The following CCDC88C variants were observed in gnomAD, a reference collection of about 807,000 sequenced individuals.
CCDC88C encodes protein Daple.
A neutral mutation model predicts 198.8 loss-of-function variants in CCDC88C; 131 were observed. That is an observed-to-expected ratio of 0.66 (90% CI 0.57 to 0.76). The LOEUF (loss-of-function observed/expected upper bound fraction) is 0.76. CCDC88C is among the 30% of genes least tolerant of loss of function. The pLI, the probability that CCDC88C is intolerant of heterozygous loss-of-function variation, is 0.00. For missense variants in CCDC88C, 2,553 were observed against 2,631.6 expected, an observed-to-expected ratio of 0.97 and a Z score of 0.65; for synonymous variants, 1,166 against 1,114.7, an observed-to-expected ratio of 1.05 and a Z score of -0.92.
intron 13 of CCDC88C, among the ~76,000 whole-genome samples, chr14:91,318,942 C>G (rs569659543): frequency 8.2e-6 from 1 of 121,812 alleles, no homozygotes. Flanking sequence ...AAAAAAAGAA[C>G]CTGCAGAGCC....
At chr14:91,408,377 C>T (rs1886619346) in intron 3 of CCDC88C, 2 of 342,220 alleles carry the variant, frequency 5.8e-6, no homozygotes, top group South Asian at 6.2e-5. Context: ...ACTGCATTCT[C>T]GGGGCAGAGG....
intron 3 of CCDC88C, among the ~76,000 whole-genome samples, chr14:91,393,959 C>T (rs1885684332): frequency 6.6e-6 from 1 of 152,224 alleles, no homozygotes; most frequent in Non-Finnish European, 1.5e-5. Context: ...ACAAAAAGTG[C>T]CAGCTGCTCC....
chr14:91,315,741 T>G lies in CCDC88C; in HGVS notation c.1574A>C (p.Gln525Pro). Reference sequence around the variant, plus strand: ...CTCCTCACTGAGGGTCTCCAGATCTTGGTTGCTCTGCTTTTCTCTCTCCAG... The same window carrying G: ...CTCCTCACTGAGGGTCTCCAGATCTGGGTTGCTCTGCTTTTCTCTCTCCAG... ...TQLEREKQSN[Q>P]DLETLSEELI... The change falls in exon 14 of 30, where the codon CAA becomes CCA. Residue 525 changes from glutamine to proline, a missense_variant. Coordinates refer to ENST00000389857, the MANE Select transcript of CCDC88C (RefSeq NM_001080414.4). The G allele has an allele frequency of 1.2e-6, 2 of 1,613,836 alleles. No homozygotes were observed. The highest frequency in any genetic ancestry group is 1.7e-6 in the Non-Finnish European group (2 of 1,179,832).
chr14:91,388,377 G>A (rs756934757), intron 3 of CCDC88C, among the ~76,000 whole-genome samples: 55 of 152,094 alleles, frequency 3.6e-4, no homozygotes, highest in Non-Finnish European at 6.8e-4. Flanking sequence ...AGGCTGCCTC[G>A]GCCCAGCTTC....
intron 2 of CCDC88C, among the ~76,000 whole-genome samples, chr14:91,409,901 T>A (rs533510774): frequency 6.6e-6 from 1 of 152,328 alleles, no homozygotes; most frequent in African/African-American, 2.4e-5. Flanking sequence ...GATTTACAAA[T>A]TCCAGGGACA....
At chr14:91,348,897 G>T (rs576640279) in intron 4 of CCDC88C, among the ~76,000 whole-genome samples, 5 of 152,280 alleles carry the variant, frequency 3.3e-5, no homozygotes, top group African/African-American at 1.2e-4. Context: ...AACATCCTGT[G>T]ATCCCCACCC....
intron 3 of CCDC88C, among the ~76,000 whole-genome samples, chr14:91,404,977 A>G (rs1406344240): frequency 4.0e-5 from 6 of 150,086 alleles, no homozygotes; most frequent in African/African-American, 1.2e-4. Context: ...AAAAAAAAAA[A>G]AGAGAAAAGA....
At chr14:91,293,951 G>C (rs1890883450) in intron 23 of CCDC88C, among the ~76,000 whole-genome samples, 1 of 152,216 alleles carries the variant, frequency 6.6e-6, no homozygotes, top group Non-Finnish European at 1.5e-5. Flanking sequence ...GTGGTGGAAA[G>C]CGCCTCTGAA....
At chr14:91,411,494 C>T (rs1310567872) in intron 2 of CCDC88C, among the ~76,000 whole-genome samples, 1 of 152,170 alleles carries the variant, frequency 6.6e-6, no homozygotes, top group African/African-American at 2.4e-5. Flanking sequence ...TCATTCAGAA[C>T]AACAATCATC....
At chr14:91,322,904 C>CT (rs35728972) in intron 12 of CCDC88C, among the ~76,000 whole-genome samples, 61,090 of 127,306 alleles carry the variant, frequency 0.48, 17,046 homozygotes, top group Non-Finnish European at 0.62. Context: ...CAGTGTTTCT[C>CT]TTTTTTTTTT....
chr14:91,359,747 A>G, intron 3 of CCDC88C, 36 bp from the exon 4 acceptor site: 1 of 1,563,962 alleles, frequency 6.4e-7, no homozygotes, highest in Non-Finnish European at 8.7e-7. Flanking sequence ...ACCATTAAGA[A>G]CCGGAAACAA....
chr14:91,343,461 A>G, intron 5 of CCDC88C, 138 bp downstream of exon 5: 10 of 1,435,272 alleles, frequency 7.0e-6, no homozygotes, highest in Non-Finnish European at 8.3e-6. Context: ...ACTCTCTTCC[A>G]GGAACCCAGC....
intron 3 of CCDC88C, among the ~76,000 whole-genome samples, chr14:91,393,073 G>A (rs980920141): frequency 1.3e-5 from 2 of 152,202 alleles, no homozygotes; most frequent in African/African-American, 4.8e-5. Flanking sequence ...CGGCCCCTGG[G>A]CACTGGGCTG....
rs1891959647 is a variant in CCDC88C, at chr14:91,313,796, C to G, written c.2020G>C (p.Glu674Gln). The change falls in exon 15 of 30, where the codon GAG (glutamate) becomes CAG (glutamine). Residue 674 changes from glutamate (E) to glutamine (Q), a missense_variant. Transcript: ENST00000389857. This position sits in a 1 kb window ranked among gnomAD's most constrained non-coding sequence, Gnocchi z 5.2. ...LEHESQGLQL[E>Q]NRTLRKSLDT... ...AGAGACTTCCTCAGAGTCCGGTTCT[C>G]CAGCTGCAGGCCCTGGCTCTCATGC... The G allele has an allele frequency of 6.2e-7, 1 of 1,606,052 alleles. No individual in the cohort carries two copies. Among genetic ancestry groups the G allele is most frequent in the African/African-American group, 1.3e-5 (1 of 74,750 alleles).
chr14:91,379,977 G>A, intron 3 of CCDC88C: 2 of 691,512 alleles, frequency 2.9e-6, no homozygotes, highest in Non-Finnish European at 5.3e-6. Context: ...GGGTAAAACT[G>A]TTGGGAACTG....
chr14:91,319,574 T>C (rs1401887567), intron 13 of CCDC88C, among the ~76,000 whole-genome samples: 1 of 152,226 alleles, frequency 6.6e-6, no homozygotes, highest in Non-Finnish European at 1.5e-5. Flanking sequence ...AGTCAACAAC[T>C]CAACGTCTGG....
chr14:91,384,000 C>G (rs1884970223), intron 3 of CCDC88C, among the ~76,000 whole-genome samples: 1 of 152,188 alleles, frequency 6.6e-6, no homozygotes, highest in Non-Finnish European at 1.5e-5. Context: ...AGTGCCACAC[C>G]TGGGTACCAC....
chr14:91,330,272 CCT>C (rs1270113139), intron 10 of CCDC88C, among the ~76,000 whole-genome samples: 8 of 152,368 alleles, frequency 5.3e-5, no homozygotes, highest in Admixed American at 5.2e-4. Flanking sequence ...GCGCCCCACC[CCT>C]GACCTGGCCG....
chr14:91,401,480 G>A (rs931752830), intron 3 of CCDC88C, among the ~76,000 whole-genome samples: 6 of 150,698 alleles, frequency 4.0e-5, no homozygotes, highest in Admixed American at 2.0e-4. Context: ...GACTACAGTC[G>A]CCCACCACCA....
Sources: allele counts gnomAD v4.1 joint callset (sites outside exome capture counted in the v4.1 genomes callset), GRCh38; gene constraint gnomAD v4.1.1; non-coding constraint Gnocchi (gnomAD v3.1); transcripts MANE v1.5; gene names NCBI Gene and HGNC (gene_info 2026-07-23, HGNC 2026-07-21).